Variants in AUTS2 observed in about 807,000 individuals in gnomAD.
The protein encoded by AUTS2 is autism susceptibility gene 2 protein.
A neutral mutation model predicts 112.4 loss-of-function variants in AUTS2; 17 were observed. The ratio of observed to expected loss-of-function variants is 0.15; its 90% CI spans 0.10 to 0.23. The LOEUF (loss-of-function observed/expected upper bound fraction) is 0.23, where lower values mean the gene tolerates loss of function less well. Ranked by LOEUF, AUTS2 falls within the 10% of genes least tolerant of loss-of-function variation. The pLI is 1.00. For synonymous variants in AUTS2, 751 were observed against 702.7 expected, an observed-to-expected ratio of 1.07 and a Z score of -1.09; for missense variants, 1,510 against 1,701.6, an observed-to-expected ratio of 0.89 and a Z score of 1.98.
intron 4 of AUTS2, among the ~76,000 whole-genome samples, chr7:70,407,045 C>T (rs763831986): frequency 2.6e-4 from 39 of 152,118 alleles, no homozygotes; most frequent in Non-Finnish European, 5.3e-4. Context: ...GCCAAATAAT[C>T]GGTAAGTTGC....
At chr7:70,188,904 T>C (rs1182897260) in intron 4 of AUTS2, among the ~76,000 whole-genome samples, 1 of 151,950 alleles carries the variant, frequency 6.6e-6, no homozygotes, top group Non-Finnish European at 1.5e-5. Context: ...TTTTTCTTTA[T>C]TAATTATTTA....
chr7:70,364,342 T>C (rs1357731871), intron 4 of AUTS2, among the ~76,000 whole-genome samples: 1 of 151,772 alleles, frequency 6.6e-6, no homozygotes, highest in African/African-American at 2.4e-5. Context: ...GATGGGCAGA[T>C]CACGAGGTCA....
intron 5 of AUTS2, among the ~76,000 whole-genome samples, chr7:70,633,564 T>G (rs1262298100): frequency 7.9e-6 from 1 of 127,076 alleles, no homozygotes; most frequent in Non-Finnish European, 1.5e-5. Context: ...TGAGCTGAGA[T>G]CCCACCACTG....
intron 2 of AUTS2, among the ~76,000 whole-genome samples, chr7:70,079,649 G>T (rs1243771751): frequency 6.6e-6 from 1 of 151,870 alleles, no homozygotes; most frequent in Non-Finnish European, 1.5e-5. Flanking sequence ...TCTAGTATAT[G>T]GTAGAAATAC....
intron 2 of AUTS2, among the ~76,000 whole-genome samples, chr7:70,003,329 AATAT>A (rs933234691): frequency 1.5e-5 from 2 of 130,960 alleles, no homozygotes; most frequent in African/African-American, 5.8e-5. Context: ...ATAACATATG[AATAT>A]ATAATATGTA....
intron 2 of AUTS2, among the ~76,000 whole-genome samples, chr7:69,948,463 G>C (rs998647937): frequency 3.3e-5 from 5 of 152,160 alleles, no homozygotes; most frequent in Non-Finnish European, 7.3e-5. Context: ...CCTCCAGAAT[G>C]TAAGCAAACT....
At chr7:69,978,856 AACAACAC>A (rs1424281872) in intron 2 of AUTS2, among the ~76,000 whole-genome samples, 1 of 116,812 alleles carries the variant, frequency 8.6e-6, no homozygotes, top group African/African-American at 3.4e-5. Flanking sequence ...GTCTCAAAGA[AACAACAC>A]ACACACACAC....
intron 5 of AUTS2, among the ~76,000 whole-genome samples, chr7:70,519,331 G>A (rs963669432): frequency 3.9e-5 from 6 of 152,196 alleles, no homozygotes; most frequent in African/African-American, 1.4e-4. Flanking sequence ...TTGAGCCAAA[G>A]TTCTGCCCTT....
At chr7:70,708,338 A>C (rs1809850552) in intron 6 of AUTS2, among the ~76,000 whole-genome samples, 1 of 152,210 alleles carries the variant, frequency 6.6e-6, no homozygotes, top group African/African-American at 2.4e-5. Flanking sequence ...GGGTCTTCTG[A>C]AAGCAGATTG....
At chr7:70,453,074 A>G (rs955748919) in intron 5 of AUTS2, among the ~76,000 whole-genome samples, 2 of 152,144 alleles carry the variant, frequency 1.3e-5, no homozygotes, top group African/African-American at 4.8e-5. Context: ...ACTGTTTGCT[A>G]AAATGGAGCC....
At chr7:69,664,243 T>C (rs1173660949) in intron 1 of AUTS2, among the ~76,000 whole-genome samples, 2 of 152,232 alleles carry the variant, frequency 1.3e-5, no homozygotes, top group Non-Finnish European at 2.9e-5. Flanking sequence ...AGAACTCATT[T>C]TCAATTTTGC....
intron 2 of AUTS2, among the ~76,000 whole-genome samples, chr7:69,938,996 G>T (rs984201219): frequency 5.9e-5 from 9 of 152,172 alleles, no homozygotes; most frequent in Non-Finnish European, 1.2e-4. Context: ...AACTGCTATA[G>T]ATATATTTGA....
chr7:70,656,698 G>A (rs1321356109), intron 5 of AUTS2, among the ~76,000 whole-genome samples: 4 of 152,218 alleles, frequency 2.6e-5, no homozygotes, highest in Non-Finnish European at 5.9e-5. Flanking sequence ...CTGCCTCTGA[G>A]ACACTGTCCT....
intron 4 of AUTS2, 139 bp from the exon 5 acceptor site, chr7:70,435,613 T>C (rs1795859377): frequency 1.2e-6 from 1 of 828,580 alleles, no homozygotes; most frequent in Non-Finnish European, 2.0e-6. Flanking sequence ...AGAAACTCTT[T>C]CTTTCCAGGA....
rs1283125755 is a variant in AUTS2 at position 69,626,927 on chromosome 7, A to G, written c.309+26965A>G. Among the ~76,000 whole-genome samples the G allele has an allele frequency of 2.6e-5, 4 of 152,380 alleles. No individual in the cohort carries two copies. The South Asian group carries it at 8.3e-4, about 32-fold the overall frequency. Reference sequence around the variant, plus strand: ...AATTAATGAAATGTATTGCCTGAGCAGAGAAAATAAGATTAGTTTTGTTTA... The same window carrying G: ...AATTAATGAAATGTATTGCCTGAGCGGAGAAAATAAGATTAGTTTTGTTTA... On this transcript the variant is annotated intron_variant, in intron 1 of 18. Coordinates refer to ENST00000342771, the MANE Select transcript of AUTS2 (RefSeq NM_015570.4).
chr7:70,345,191 G>C (rs1585040243), intron 4 of AUTS2, among the ~76,000 whole-genome samples: 1 of 152,246 alleles, frequency 6.6e-6, no homozygotes, highest in Non-Finnish European at 1.5e-5. Context: ...ATTGGGCTTA[G>C]AATCACAAAA....
intron 1 of AUTS2, among the ~76,000 whole-genome samples, chr7:69,857,305 A>G (rs1211462266): frequency 6.6e-6 from 1 of 152,152 alleles, no homozygotes; most frequent in African/African-American, 2.4e-5. Context: ...TATTATTTCT[A>G]TATGTCGGTC....
intron 4 of AUTS2, among the ~76,000 whole-genome samples, chr7:70,303,412 G>GCACA (rs569593320): frequency 4.1e-5 from 6 of 146,212 alleles, no homozygotes; most frequent in African/African-American, 7.8e-5. Flanking sequence ...ATGTGTGCAC[G>GCACA]CACACACACA....
At chr7:70,279,438 G>T (rs1788099375) in intron 4 of AUTS2, among the ~76,000 whole-genome samples, 1 of 152,204 alleles carries the variant, frequency 6.6e-6, no homozygotes. Context: ...AAAGAGAATT[G>T]TGAGCTCTGC....
Sources: gnomAD v4.1 joint callset for allele counts (sites outside exome capture counted in the v4.1 genomes callset) on GRCh38, gnomAD v4.1.1 for gene constraint, MANE v1.5 for transcripts, NCBI Gene and HGNC (gene_info 2026-07-23, HGNC 2026-07-21) for gene names.